The following DRAXIN variants were observed in gnomAD, a reference collection of about 807,000 sequenced individuals.
DRAXIN encodes the protein dorsal repulsive axon guidance protein.
In DRAXIN, 27 loss-of-function variants were observed where a neutral mutation model predicts 33.9. That is an observed-to-expected ratio of 0.80 (90% CI 0.59 to 1.10). DRAXIN has a LOEUF of 1.10. Ranked by LOEUF, DRAXIN falls within the 50% of genes least tolerant of loss-of-function variation. The probability of loss-of-function intolerance (pLI) is 0.00; values close to 1 mark genes in which losing one functional copy is unlikely to be tolerated. For missense variants in DRAXIN, 371 were observed against 460.8 expected (o/e 0.81, Z 1.78); for synonymous variants, 178 against 194.0 (o/e 0.92, Z 0.69).
rs1557694972 is a variant in DRAXIN, at chr1:11,720,210, C to T, written c.*514C>T. ...GACAGGTTGAGGACCGTGAGGCACG[C>T]TGGAGTTATTTGACTCGACTTGCCC... On this transcript the variant is annotated 3_prime_UTR_variant, in exon 7 of 7. Coordinates refer to ENST00000294485, the MANE Select transcript of DRAXIN (RefSeq NM_198545.4). 1 of 156,852 alleles carries T rather than the reference C, an allele frequency of 6.4e-6. No individual in the cohort carries two copies. Among genetic ancestry groups the T allele is most frequent in the African/African-American group, 2.4e-5 (1 of 41,594 alleles). The allele number at this position is 156,852 out of a possible 1,614,324, so 9.7% of individuals were successfully genotyped here.
chr1:11,711,764 T>C (rs1641498427), intron 3 of DRAXIN, 87 bp from the exon 4 acceptor site: 3 of 1,297,646 alleles, frequency 2.3e-6, no homozygotes, highest in Non-Finnish European at 2.2e-6. Flanking sequence ...CTGAGAAGCC[T>C]CTTTTTTGTC....
chr1:11,699,528 ATGTTGTCC>A (rs1641239508), intron 1 of DRAXIN, among the ~76,000 whole-genome samples: 1 of 152,084 alleles, frequency 6.6e-6, no homozygotes, highest in South Asian at 2.1e-4. Context: ...GGGACTTACT[ATGTTGTCC>A]AGACTGAATT....
intron 5 of DRAXIN, among the ~76,000 whole-genome samples, chr1:11,714,748 T>A (rs114909232): frequency 0.014 from 2,154 of 152,298 alleles, 59 homozygotes; most frequent in African/African-American, 0.047. Context: ...AGTTTCCCCA[T>A]CTGTCAAAAG....
In DRAXIN at chr1:11,721,846, G is replaced by C. The variant is rs1485735817; in HGVS notation, c.*2150G>C. Reference sequence around the variant, plus strand: ...CCAAATATACAAAAATTAAGGCTGGGCACGAGGGCTCATGTCTGACATCCC... The same window carrying C: ...CCAAATATACAAAAATTAAGGCTGGCCACGAGGGCTCATGTCTGACATCCC... On this transcript the variant is annotated 3_prime_UTR_variant, in exon 7 of 7. Transcript: ENST00000294485. 6.6e-6 allele frequency: 1 copy of C among 152,156 alleles called. No individual in the cohort carries two copies. The highest frequency in any genetic ancestry group is 1.5e-5 in the Non-Finnish European group (1 of 68,070). 9.4% of individuals were successfully genotyped at this position (152,156 alleles called of 1,614,324 possible).
Position 11,706,471 on chromosome 1 carries a change from G to T in DRAXIN, c.213G>T (p.Leu71=), listed in dbSNP as rs1407588779. 1.9e-6 allele frequency: 3 copies of T among 1,610,368 alleles called. No homozygotes were observed. In the African/African-American group the frequency reaches 4.0e-5, roughly 22 times the overall value. ...GCAAGAAGGAGTGGGGCCCAGGCCTGCCCAGCCAGGCCCAGGATGGGGCTG... is the reference window on the plus strand; with the variant it reads ...GCAAGAAGGAGTGGGGCCCAGGCCTTCCCAGCCAGGCCCAGGATGGGGCTG... ...GPGKKEWGPG[L]PSQAQDGAVV... Residue 71 remains leucine (L), a synonymous_variant, in exon 2 of 7, where the codon CTG becomes CTT. Transcript: ENST00000294485. The surrounding 1 kb of genome is among the most constrained non-coding windows in gnomAD (Gnocchi z 5.5).
rs1557684969 is a variant in DRAXIN, at chr1:11,692,947, A to G, written c.-11+1094A>G. 1.7e-5 allele frequency among the ~76,000 whole-genome samples: 2 copies of G among 120,862 alleles called. No homozygotes were observed. Among genetic ancestry groups the G allele is most frequent in the South Asian group, 3.1e-4 (1 of 3,274 alleles). The allele number at this position is 120,862 out of a possible 152,430, so 79.3% of individuals were successfully genotyped here. ...GCTGGTTCACACACCCTGTGGAGGA[A>G]GGGAGGGGAGGGGAGGGGAGTCTAC... On this transcript the variant is annotated intron_variant, in intron 1 of 6. Transcript: ENST00000294485. This position sits in a 1 kb window ranked among gnomAD's most constrained non-coding sequence, Gnocchi z 5.8.
chr1:11,707,087 G>T (rs964084096), intron 2 of DRAXIN, among the ~76,000 whole-genome samples: 2 of 152,078 alleles, frequency 1.3e-5, no homozygotes, highest in Non-Finnish European at 2.9e-5. Flanking sequence ...TGTAGTCCCA[G>T]CTACTTGGAA....
At position 11,719,874 on chromosome 1, in the gene DRAXIN, A is replaced by G; in HGVS notation, c.*178A>G. The G allele has an allele frequency of 1.6e-6, 1 of 612,418 alleles. No homozygotes were observed. 37.9% of individuals were successfully genotyped at this position (612,418 alleles called of 1,614,324 possible). On this transcript the variant is annotated 3_prime_UTR_variant, in exon 7 of 7. Coordinates refer to ENST00000294485, the MANE Select transcript of DRAXIN (RefSeq NM_198545.4). ...CGAATGAGCTGGGTGGGTGCCCAGG[A>G]GCCGGCCCGCAGCACCTGCACACAC...
rs1010870023 is a variant in DRAXIN, at chr1:11,720,176, T to C, written c.*480T>C. The C allele has an allele frequency of 1.2e-5, 2 of 162,894 alleles. No individual in the cohort carries two copies. Among genetic ancestry groups the C allele is most frequent in the African/African-American group, 4.8e-5 (2 of 41,968 alleles). The allele number at this position is 162,894 out of a possible 1,614,324, so 10.1% of individuals were successfully genotyped here. On this transcript the variant is annotated 3_prime_UTR_variant, in exon 7 of 7. Transcript: ENST00000294485. ...CAACGACCTTTTCAAGTAGGCATTA[T>C]CACCATGCGACAGGTTGAGGACCGT... is the stretch of plus-strand genomic sequence containing the variant.
At chr1:11,701,713 C>A (rs902701058) in intron 1 of DRAXIN, among the ~76,000 whole-genome samples, 1 of 152,070 alleles carries the variant, frequency 6.6e-6, no homozygotes, top group South Asian at 2.1e-4. Context: ...GCAACCCGGG[C>A]CGGGCAGAAC....
In DRAXIN at chr1:11,706,419, C is replaced by G. The variant is rs1347375944; in HGVS notation, c.161C>G (p.Ala54Gly). Residue 54 changes from alanine to glycine, a missense_variant, in exon 2 of 7, where the codon GCC becomes GGC. Ala to Gly is a moderately conservative substitution (Grantham distance 60). Coordinates refer to ENST00000294485, the MANE Select transcript of DRAXIN (RefSeq NM_198545.4). The surrounding 1 kb of genome is among the most constrained non-coding windows in gnomAD (Gnocchi z 5.5). ...LPGPALWTPQASHHRRRGPGK... is the reference protein window; with the variant it reads ...LPGPALWTPQGSHHRRRGPGK... ...GGCCCAGCGCTGTGGACGCCTCAGG[C>G]CAGCCACCACCGCCGGCGGGGCCCG... is the stretch of plus-strand genomic sequence containing the variant. 1 of 1,612,168 alleles carries G rather than the reference C, an allele frequency of 6.2e-7. No homozygotes were observed. The highest frequency in any genetic ancestry group is 8.5e-7 in the Non-Finnish European group (1 of 1,179,630).
At position 11,722,394 on chromosome 1, in the gene DRAXIN, C is replaced by G. The variant is rs984025372; in HGVS notation, c.*2698C>G. ...TGCCCATAGAACTGCCACTGGTTGCCAGGGTAGTTCCATGGTTGGAAATTC... is the reference window on the plus strand; with the variant it reads ...TGCCCATAGAACTGCCACTGGTTGCGAGGGTAGTTCCATGGTTGGAAATTC... On this transcript the variant is annotated 3_prime_UTR_variant, in exon 7 of 7. Transcript: ENST00000294485. 1 of 152,178 alleles carries G rather than the reference C, an allele frequency of 6.6e-6. No homozygotes were observed. The highest frequency in any genetic ancestry group is 1.5e-5 in the Non-Finnish European group (1 of 68,042). 9.4% of individuals were successfully genotyped at this position (152,178 alleles called of 1,614,324 possible).
chr1:11,711,869 G>A lies in DRAXIN; in HGVS notation c.661G>A (p.Asp221Asn). Residue 221 changes from aspartate (D) to asparagine (N), a missense_variant, in exon 4 of 7, where the codon GAC becomes AAC. Physicochemically the swap from Asp to Asn is conservative, Grantham distance 23. Coordinates refer to ENST00000294485, the MANE Select transcript of DRAXIN (RefSeq NM_198545.4). The stretch of plus-strand genomic sequence containing the variant: ...TCTCCAGCAGGCACAGCCCAGGTCT[G>A]ACGGGGAGGTGATGCCCACGCTGGA... The part of the protein sequence containing the change: ...LRPQQAQPRS[D>N]GEVMPTLDMA... 3 of 1,613,472 alleles carry A rather than the reference G, an allele frequency of 1.9e-6. No individual in the cohort carries two copies. The highest frequency in any genetic ancestry group is 2.5e-6 in the Non-Finnish European group (3 of 1,179,716).
At chr1:11,710,121 G>A (rs557057322) in intron 3 of DRAXIN, among the ~76,000 whole-genome samples, 1 of 151,486 alleles carries the variant, frequency 6.6e-6, no homozygotes, top group Admixed American at 6.6e-5. Context: ...GGAGGCGGAG[G>A]CTGTAGCGTG....
chr1:11,721,772 G>A lies in DRAXIN; in HGVS notation c.*2076G>A, dbSNP rs1304321201. ...GGCTGAGGTGGGCGGACCACCTCAG[G>A]TCAGGAGTTTGAGACCAGCCTGGCC... On this transcript the variant is annotated 3_prime_UTR_variant, in exon 7 of 7. Transcript: ENST00000294485. 1.3e-5 allele frequency: 2 copies of A among 152,082 alleles called. No homozygotes were observed. The highest frequency in any genetic ancestry group is 6.6e-5 in the Admixed American group (1 of 15,246). The allele number at this position is 152,082 out of a possible 1,614,324, so 9.4% of individuals were successfully genotyped here. A position where few individuals can be genotyped will look rare whatever the true frequency, so the allele number is the denominator to read the frequency against.
rs375605755 is a variant in DRAXIN, at chr1:11,696,747, G to A, written c.-11+4894G>A. Among the ~76,000 whole-genome samples, 2 of 152,004 alleles carry A rather than the reference G, an allele frequency of 1.3e-5. No homozygotes were observed. Among genetic ancestry groups the A allele is most frequent in the Admixed American group, 1.3e-4 (2 of 15,254 alleles). On this transcript the variant is annotated intron_variant, in intron 1 of 6. Transcript: ENST00000294485. This position sits in a 1 kb window ranked among gnomAD's most constrained non-coding sequence, Gnocchi z 4.7. Reference sequence around the variant, plus strand: ...GTGCACCTGTAGTCCCAGCTACTCGGGAGGCTGAGGCAGAAGAATTGCTTG... The same window carrying A: ...GTGCACCTGTAGTCCCAGCTACTCGAGAGGCTGAGGCAGAAGAATTGCTTG...
rs1249287485 is a variant in DRAXIN, at chr1:11,710,691, G to A, written c.643-1160G>A. On this transcript the variant is annotated intron_variant, in intron 3 of 6. Transcript: ENST00000294485. ...GCACTTTGGGAGGCCAAGGCGGGCA[G>A]ATCACAAGGTCAGGAAATCGAGACC... 2.7e-5 allele frequency among the ~76,000 whole-genome samples: 4 copies of A among 148,388 alleles called. No individual in the cohort carries two copies. The East Asian group carries it at 7.9e-4, about 29-fold the overall frequency.
rs182960797 is a variant in DRAXIN, at chr1:11,721,106, C to A, written c.*1410C>A. 24 of 152,326 alleles carry A rather than the reference C, an allele frequency of 1.6e-4. No homozygotes were observed. Among genetic ancestry groups the A allele is most frequent in the African/African-American group, 4.3e-4 (18 of 41,556 alleles). The allele number at this position is 152,326 out of a possible 1,614,324, so 9.4% of individuals were successfully genotyped here. ...ACAGTTTTCTGGAGCACTTCCCCCC[C>A]AGGGGTTCTGATGCAAGCATGGAAT... On this transcript the variant is annotated 3_prime_UTR_variant, in exon 7 of 7. Coordinates refer to ENST00000294485, the MANE Select transcript of DRAXIN (RefSeq NM_198545.4).
chr1:11,690,182 A>G (rs541345749), upstream of DRAXIN, among the ~76,000 whole-genome samples: 3 of 152,144 alleles, frequency 2.0e-5, no homozygotes, highest in East Asian at 3.9e-4. This position sits in a 1 kb window ranked among gnomAD's most constrained non-coding sequence, Gnocchi z 4.2. Flanking sequence ...TGTCTCCTTC[A>G]CTAGAATCTG....
Sources: allele counts gnomAD v4.1 joint callset (sites outside exome capture counted in the v4.1 genomes callset), GRCh38; gene constraint gnomAD v4.1.1; non-coding constraint Gnocchi (gnomAD v3.1); transcripts MANE v1.5; gene names NCBI Gene and HGNC (gene_info 2026-07-23, HGNC 2026-07-21).